Variants in BLTP3A observed in about 807,000 individuals in gnomAD.
The protein encoded by BLTP3A is bridge-like lipid transfer protein family member 3A.
At chr6:34,826,285 G>A in the BLTP3A span, among the ~76,000 whole-genome samples, 126 of 151,588 alleles carry the variant, frequency 8.3e-4, 1 homozygote, top group African/African-American at 3.0e-3. Flanking sequence ...GCCTCCCAAA[G>A]TGCTGGGATT....
chr6:34,875,643 A>C, the BLTP3A span: 1 of 152,092 alleles, frequency 6.6e-6, no homozygotes, highest in South Asian at 2.1e-4. Context: ...TCCATGTCAC[A>C]AATGGAGCCT....
chr6:34,800,399 G>A, the BLTP3A span, among the ~76,000 whole-genome samples: 4 of 152,162 alleles, frequency 2.6e-5, no homozygotes, highest in Admixed American at 6.5e-5. Context: ...TTGAGGATGC[G>A]TTGAGTGGGT....
the BLTP3A span, among the ~76,000 whole-genome samples, chr6:34,817,851 ATT>A: frequency 0.021 from 2,872 of 138,726 alleles, 50 homozygotes; most frequent in African/African-American, 0.042. Context: ...ACGTGTAGGA[ATT>A]TTTTTTTTTT....
chr6:34,828,708 C>A, the BLTP3A span, among the ~76,000 whole-genome samples: 1 of 151,018 alleles, frequency 6.6e-6, no homozygotes, highest in South Asian at 2.1e-4. Flanking sequence ...ATTTTTTTTT[C>A]TTATTCTTTC....
chr6:34,823,444 A>G, the BLTP3A span: 7 of 986,958 alleles, frequency 7.1e-6, no homozygotes, highest in Non-Finnish European at 1.1e-5. Flanking sequence ...GACATTTTCA[A>G]ACTTACACTA....
At chr6:34,803,801 G>T in the BLTP3A span, among the ~76,000 whole-genome samples, 1 of 152,034 alleles carries the variant, frequency 6.6e-6, no homozygotes, top group Non-Finnish European at 1.5e-5. Flanking sequence ...TAGAAAATCC[G>T]AGTAAGGAGG....
chr6:34,818,387 T>C, the BLTP3A span, among the ~76,000 whole-genome samples: 171 of 152,062 alleles, frequency 1.1e-3, no homozygotes, highest in African/African-American at 3.9e-3. Flanking sequence ...GAGAATAGCT[T>C]GAGGCCAGGA....
chr6:34,829,098 T>G, the BLTP3A span, among the ~76,000 whole-genome samples: 3 of 151,682 alleles, frequency 2.0e-5, no homozygotes, highest in African/African-American at 7.3e-5. Context: ...AGAAAACACT[T>G]TATTGAAATA....
the BLTP3A span, chr6:34,867,511 G>C: frequency 6.2e-7 from 1 of 1,614,184 alleles, no homozygotes; most frequent in Non-Finnish European, 8.5e-7. Flanking sequence ...TTTTGGGATT[G>C]AGGTACGTGG....
the BLTP3A span, among the ~76,000 whole-genome samples, chr6:34,837,761 G>C: frequency 2.1e-5 from 3 of 142,570 alleles, no homozygotes; most frequent in Non-Finnish European, 4.6e-5. Flanking sequence ...ACAGTGCAAA[G>C]ATTGTTTTTG....
At chr6:34,877,456 TTGAG>T in the BLTP3A span, 7 of 152,674 alleles carry the variant, frequency 4.6e-5, no homozygotes, top group African/African-American at 1.7e-4. Flanking sequence ...TAGTCAAACT[TTGAG>T]TGTACTGGTT....
the BLTP3A span, chr6:34,871,586 TG>T: frequency 6.2e-7 from 1 of 1,612,460 alleles, no homozygotes; most frequent in Non-Finnish European, 8.5e-7. Flanking sequence ...TCCTGCAGGA[TG>T]ATATCCCCCC....
chr6:34,868,991 C>T, the BLTP3A span, among the ~76,000 whole-genome samples: 1 of 151,934 alleles, frequency 6.6e-6, no homozygotes, highest in South Asian at 2.1e-4. Context: ...TACTCACCAC[C>T]TAGTTTGTTT....
At chr6:34,830,755 G>C in the BLTP3A span, among the ~76,000 whole-genome samples, 5 of 152,188 alleles carry the variant, frequency 3.3e-5, no homozygotes, top group Non-Finnish European at 7.4e-5. Context: ...GTTGGGTTAT[G>C]GGTTCTGTTT....
chr6:34,838,855 C>T, the BLTP3A span, among the ~76,000 whole-genome samples: 1 of 152,118 alleles, frequency 6.6e-6, no homozygotes, highest in African/African-American at 2.4e-5. Flanking sequence ...GCGGGAGGAT[C>T]GCTTGGCAGA....
the BLTP3A span, among the ~76,000 whole-genome samples, chr6:34,867,927 T>G: frequency 6.6e-6 from 1 of 152,208 alleles, no homozygotes; most frequent in Non-Finnish European, 1.5e-5. Flanking sequence ...ATCAGGGAAC[T>G]TCTGTCATTC....
At chr6:34,864,522 CTTTTTTTTT>C in the BLTP3A span, among the ~76,000 whole-genome samples, 6 of 109,454 alleles carry the variant, frequency 5.5e-5, no homozygotes, top group East Asian at 7.7e-4. Context: ...TGCTTATAGT[CTTTTTTTTT>C]TTTTTTTTTT....
At chr6:34,808,753 T>A in the BLTP3A span, among the ~76,000 whole-genome samples, 1 of 152,070 alleles carries the variant, frequency 6.6e-6, no homozygotes, top group Non-Finnish European at 1.5e-5. Flanking sequence ...CTAATTTTTT[T>A]ATTTTTTGTA....
At chr6:34,869,896 G>A in the BLTP3A span, among the ~76,000 whole-genome samples, 10 of 151,866 alleles carry the variant, frequency 6.6e-5, no homozygotes, top group East Asian at 1.9e-4. Context: ...TGATCCACCC[G>A]CCTCAGCCTC....
Sources: allele counts gnomAD v4.1 joint callset (sites outside exome capture counted in the v4.1 genomes callset), GRCh38; gene constraint gnomAD v4.1.1; transcripts MANE v1.5; gene names NCBI Gene and HGNC (gene_info 2026-07-23, HGNC 2026-07-21).